SFI1: variants seen among roughly 807,000 people sequenced by gnomAD.
The protein encoded by SFI1 is SFI1 centrin binding protein, also known as protein SFI1 homolog.
Under a neutral mutation model 207.5 loss-of-function variants are expected in SFI1, and 195 were observed. The observed-to-expected ratio is 0.94, with a 90% CI of 0.84 to 1.06. The LOEUF is 1.06. Ranked by LOEUF, SFI1 falls within the 50% of genes least tolerant of loss-of-function variation. SFI1 has a pLI of 0.00. For missense variants in SFI1, 1,634 were observed against 1,588.0 expected (o/e 1.03, Z -0.49); for synonymous variants, 630 against 598.9 (o/e 1.05, Z -0.76).
At chr22:31,528,658 C>T (rs2058170896) in intron 2 of SFI1, 32 bp from the exon 3 acceptor site, 2 of 1,593,458 alleles carry the variant, frequency 1.3e-6, no homozygotes, top group African/African-American at 1.3e-5. Flanking sequence ...TAACTTTATT[C>T]TCTCCTTGCC....
Position 31,618,241 on chromosome 22 carries a change from C to A in SFI1, c.3624+15C>A, listed in dbSNP as rs770330701. The A allele has an allele frequency of 4.4e-6, 7 of 1,596,086 alleles. No individual in the cohort carries two copies. The highest frequency in any genetic ancestry group is 2.7e-5 in the African/African-American group (2 of 74,748). On this transcript the variant is annotated intron_variant, in intron 32 of 32. Coordinates refer to ENST00000400288, the MANE Select transcript of SFI1 (RefSeq NM_001007467.3). Reference sequence around the variant, plus strand: ...AGCTGGAACAGGTGAGGCCCCAGGCCATCCCCAGGTGTCCCTGGGGACGCC... The same window carrying A: ...AGCTGGAACAGGTGAGGCCCCAGGCAATCCCCAGGTGTCCCTGGGGACGCC...
At chr22:31,571,611 CACCA>C (rs1233758865) in intron 8 of SFI1, among the ~76,000 whole-genome samples, 9 of 152,024 alleles carry the variant, frequency 5.9e-5, no homozygotes, top group Admixed American at 1.3e-4. Context: ...CACCCCGCCC[CACCA>C]ACCCATTGTT....
intron 8 of SFI1, among the ~76,000 whole-genome samples, chr22:31,571,835 T>C (rs2062984706): frequency 6.6e-6 from 1 of 152,216 alleles, no homozygotes; most frequent in Non-Finnish European, 1.5e-5. Context: ...CTGTATATTG[T>C]TGCTATTTTC....
intron 2 of SFI1, among the ~76,000 whole-genome samples, chr22:31,509,043 A>C (rs1410985323): frequency 1.3e-5 from 2 of 152,120 alleles, no homozygotes; most frequent in African/African-American, 4.8e-5. Context: ...TGAGATAATC[A>C]TGTGGTTTTT....
intron 8 of SFI1, among the ~76,000 whole-genome samples, chr22:31,567,072 A>T (rs2062391382): frequency 1.3e-5 from 2 of 151,832 alleles, no homozygotes; most frequent in African/African-American, 4.8e-5. Context: ...CGCCTGGCTA[A>T]TTTTTTGTAT....
intron 2 of SFI1, among the ~76,000 whole-genome samples, chr22:31,526,214 A>G (rs992448301): frequency 1.2e-4 from 19 of 152,204 alleles, no homozygotes; most frequent in Non-Finnish European, 8.8e-5. Context: ...TGCTGCTATG[A>G]AGAAATATCT....
At chr22:31,547,076 G>C (rs2060160190) in intron 5 of SFI1, 105 bp downstream of exon 5, 1 of 833,806 alleles carries the variant, frequency 1.2e-6, no homozygotes, top group Middle Eastern at 2.4e-4. Context: ...GGTCACTTTT[G>C]GTTTTTCTTC....
At position 31,613,791 on chromosome 22, in the gene SFI1, C is replaced by T; in HGVS notation, c.2932C>T (p.Gln978Ter). 2 of 1,612,140 alleles carry T rather than the reference C, an allele frequency of 1.2e-6. No homozygotes were observed. The highest frequency in any genetic ancestry group is 1.7e-6 in the Non-Finnish European group (2 of 1,179,624). ...GDGTLETKRP[Q>*]ASRPLGALGR... ...TGGCACCCTTGAGACCAAGAGGCCACAGGCTTCTCGGCCTCTGGGAGCTCT... is the reference window on the plus strand; with the variant it reads ...TGGCACCCTTGAGACCAAGAGGCCATAGGCTTCTCGGCCTCTGGGAGCTCT... Residue 978 changes from glutamine to a stop codon, truncating the protein, a stop_gained, in exon 27 of 33, where the codon CAG becomes TAG. Coordinates refer to ENST00000400288, the MANE Select transcript of SFI1 (RefSeq NM_001007467.3). LOFTEE classifies it high-confidence loss of function.
chr22:31,593,228 C>A (rs1287728169), intron 15 of SFI1, among the ~76,000 whole-genome samples: 6 of 151,026 alleles, frequency 4.0e-5, no homozygotes, highest in Non-Finnish European at 5.9e-5. Flanking sequence ...AGGGGCTCCT[C>A]ACTTCTCAGA....
intron 2 of SFI1, chr22:31,521,685 T>C (rs2057278936): frequency 6.6e-6 from 1 of 152,230 alleles, no homozygotes; most frequent in Admixed American, 6.6e-5. Flanking sequence ...GCACGGTGAT[T>C]GAAACTGCCC....
chr22:31,496,880 C>T (rs992582536), intron 1 of SFI1, among the ~76,000 whole-genome samples: 2 of 152,254 alleles, frequency 1.3e-5, no homozygotes, highest in African/African-American at 4.8e-5. Flanking sequence ...GCCGCGTCTT[C>T]TCGGCTTCTT....
At chr22:31,617,992 C>G in intron 31 of SFI1, 123 bp from the exon 32 acceptor site, 1 of 1,124,658 alleles carries the variant, frequency 8.9e-7, no homozygotes, top group Admixed American at 2.8e-5. Context: ...GTCAGGGGCC[C>G]TACCAGACCA....
chr22:31,612,385 A>AGG lies in SFI1; in HGVS notation c.2490+545_2490+546insGG, dbSNP rs2070361846. 141 of 110,516 alleles carry AGG rather than the reference A, an allele frequency of 1.3e-3. 3 individuals are homozygous for AGG. Among genetic ancestry groups the AGG allele is most frequent in the Middle Eastern group, 4.5e-3 (1 of 220 alleles). 6.8% of individuals were successfully genotyped at this position (110,516 alleles called of 1,614,324 possible). A position where few individuals can be genotyped will look rare whatever the true frequency, so the allele number is the denominator to read the frequency against. On this transcript the variant is annotated intron_variant, in intron 24 of 32. Transcript: ENST00000400288. ...ACAGAGCGAGACTCTGTCTAAAAAA[A>AGG]AAAAAAAAAAAAAATATATATATAT... is the stretch of plus-strand genomic sequence containing the variant.
At chr22:31,616,915 G>A (rs2071629510) in intron 30 of SFI1, 38 bp downstream of exon 30, 5 of 1,611,086 alleles carry the variant, frequency 3.1e-6, no homozygotes, top group Non-Finnish European at 4.2e-6. Context: ...AAAGCACTCA[G>A]GCCACTCCCG....
chr22:31,541,389 G>T (rs1260738805), intron 4 of SFI1, among the ~76,000 whole-genome samples: 3 of 152,006 alleles, frequency 2.0e-5, no homozygotes, highest in Admixed American at 2.0e-4. Context: ...ATTTAATGCG[G>T]CGTGGGGAAT....
At chr22:31,498,139 C>G (rs866457617) in intron 1 of SFI1, among the ~76,000 whole-genome samples, 1 of 151,990 alleles carries the variant, frequency 6.6e-6, no homozygotes, top group Non-Finnish European at 1.5e-5. Flanking sequence ...CTAAAAAATA[C>G]AAAATATTAG....
At chr22:31,578,244 A>G in intron 10 of SFI1, 138 bp from the exon 11 acceptor site, 1 of 598,342 alleles carries the variant, frequency 1.7e-6, no homozygotes, top group South Asian at 4.2e-5. Context: ...GGTCATCAGG[A>G]GTAGACAGAG....
Position 31,536,800 on chromosome 22 carries a change from C to G in SFI1, c.338+5671C>G, listed in dbSNP as rs142458608. Among the ~76,000 whole-genome samples, 1,078 of 152,244 alleles carry G rather than the reference C, an allele frequency of 7.1e-3. 20 individuals are homozygous for G. Among genetic ancestry groups the G allele is most frequent in the African/African-American group, 0.023 (975 of 41,544 alleles). On this transcript the variant is annotated intron_variant, in intron 4 of 32. Transcript: ENST00000400288. ...TCTTTTCAAATAATGCCTTCCAAGT[C>G]CTTGGGAAATGCTGATTGTATGTTA...
intron 8 of SFI1, among the ~76,000 whole-genome samples, chr22:31,569,064 C>G (rs1449133238): frequency 6.6e-6 from 1 of 152,068 alleles, no homozygotes; most frequent in Non-Finnish European, 1.5e-5. Context: ...CCCACCTTTC[C>G]TATATAAACT....
Sources: gnomAD v4.1 joint callset for allele counts (sites outside exome capture counted in the v4.1 genomes callset) on GRCh38, gnomAD v4.1.1 for gene constraint, MANE v1.5 for transcripts, NCBI Gene and HGNC (gene_info 2026-07-23, HGNC 2026-07-21) for gene names.